The following MASTL variants were observed in gnomAD, a reference collection of about 807,000 sequenced individuals.
The protein encoded by MASTL is serine/threonine-protein kinase greatwall.
In MASTL, 54 loss-of-function variants were observed where a neutral mutation model predicts 82.5. The ratio of observed to expected loss-of-function variants is 0.65; its 90% CI spans 0.53 to 0.82. The LOEUF (loss-of-function observed/expected upper bound fraction) is 0.82. MASTL is among the 40% of genes least tolerant of loss of function. The pLI, the probability that MASTL is intolerant of heterozygous loss-of-function variation, is 0.00. For missense variants in MASTL, 950 were observed against 1,047.8 expected (o/e 0.91, Z 1.29); for synonymous variants, 323 against 368.9 (o/e 0.88, Z 1.43).
chr10:27,179,177 C>T (rs993321654), intron 9 of MASTL, among the ~76,000 whole-genome samples: 1 of 152,078 alleles, frequency 6.6e-6, no homozygotes, highest in East Asian at 1.9e-4. Context: ...TAAAATTAAC[C>T]TTTTCTTAGG....
intron 9 of MASTL, among the ~76,000 whole-genome samples, chr10:27,179,871 G>C (rs1347183564): frequency 6.6e-6 from 1 of 152,126 alleles, no homozygotes; most frequent in Non-Finnish European, 1.5e-5. Context: ...TACATTTCCT[G>C]ATATGAAATT....
Position 27,170,579 on chromosome 10 carries a change from T to G in MASTL, c.1620T>G (p.Cys540Trp). The G allele has an allele frequency of 6.2e-7, 1 of 1,612,750 alleles. No homozygotes were observed. The change falls in exon 8 of 12, where the codon TGT becomes TGG. Residue 540 changes from cysteine (C) to tryptophan (W), a missense_variant. Physicochemically the swap from Cys to Trp is radical, Grantham distance 215. Transcript: ENST00000375940. ...TTATGTGTGAACTCGATGAAGACTG[T>G]GAAAAGAATAGTAAGAGGGACTACT... is the stretch of plus-strand genomic sequence containing the variant. ...KNLMCELDED[C>W]EKNSKRDYLS...
At chr10:27,164,557 G>T (rs144226405) in intron 4 of MASTL, among the ~76,000 whole-genome samples, 2 of 152,288 alleles carry the variant, frequency 1.3e-5, no homozygotes, top group African/African-American at 4.8e-5. Context: ...ATCTGGGTCA[G>T]TTTCTATCTT....
In MASTL at chr10:27,170,240, T is replaced by C. The variant is rs966731950; in HGVS notation, c.1281T>C (p.Ala427=). ...GTTTCCATCAGTCAAATCAGTGGGCTGTGGATTCTGGTGGGATATCTGAAG... is the reference window on the plus strand; with the variant it reads ...GTTTCCATCAGTCAAATCAGTGGGCCGTGGATTCTGGTGGGATATCTGAAG... The part of the protein sequence containing the change: ...QLGFHQSNQW[A]VDSGGISEEH... The change falls in exon 8 of 12, where the codon GCT becomes GCC. Residue 427 remains alanine (A), a synonymous_variant. Transcript: ENST00000375940. 14 of 1,614,030 alleles carry C rather than the reference T, an allele frequency of 8.7e-6. No homozygotes were observed. The African/African-American group carries it at 1.9e-4, about 22-fold the overall frequency.
intron 1 of MASTL, among the ~76,000 whole-genome samples, chr10:27,157,411 T>G (rs73598035): frequency 0.075 from 11,450 of 152,218 alleles, 498 homozygotes; most frequent in East Asian, 0.16. Context: ...CATGCCCTCA[T>G]AGCCAGTGGA....
Position 27,172,677 on chromosome 10 carries a change from A to G in MASTL, c.2125-441A>G, listed in dbSNP as rs184791591. 2.0e-4 allele frequency among the ~76,000 whole-genome samples: 31 copies of G among 152,288 alleles called. No homozygotes were observed. In the East Asian group the frequency reaches 5.8e-3, roughly 28 times the overall value. On this transcript the variant is annotated intron_variant, in intron 8 of 11. Coordinates refer to ENST00000375940, the MANE Select transcript of MASTL (RefSeq NM_001172303.3). Reference sequence around the variant, plus strand: ...CTCAAAAAAAAAAACTTGTTGTGAAATAACAAATTATCCTAAAAATTTTTA... The same window carrying G: ...CTCAAAAAAAAAAACTTGTTGTGAAGTAACAAATTATCCTAAAAATTTTTA...
intron 7 of MASTL, 113 bp downstream of exon 7, chr10:27,167,387 G>A: frequency 1.1e-6 from 1 of 877,032 alleles, no homozygotes; most frequent in East Asian, 2.7e-5. Flanking sequence ...TACATGAATG[G>A]CAGTCATAGT....
At chr10:27,171,261 A>G (rs2057924989) in intron 8 of MASTL, among the ~76,000 whole-genome samples, 178 bp downstream of exon 8, 2 of 152,020 alleles carry the variant, frequency 1.3e-5, no homozygotes, top group South Asian at 4.2e-4. Flanking sequence ...AATCATGTTT[A>G]TTATTTTTAG....
rs143720814 is a variant in MASTL at position 27,160,018 on chromosome 10, G to A, written c.464+260G>A. 3.4e-3 allele frequency among the ~76,000 whole-genome samples: 523 copies of A among 151,858 alleles called. 2 individuals are homozygous for A. Among genetic ancestry groups the A allele is most frequent in the Non-Finnish European group, 5.8e-3 (394 of 67,944 alleles). On this transcript the variant is annotated intron_variant, in intron 3 of 11. Transcript: ENST00000375940. ...ATTTATTTTTTTCTTTGTTGAGACA[G>A]GGTCTCACTTTGTCATCCAGGTTGT...
intron 3 of MASTL, 26 bp from the exon 4 acceptor site, chr10:27,161,068 C>G (rs1185419592): frequency 7.4e-6 from 11 of 1,480,248 alleles, no homozygotes; most frequent in Non-Finnish European, 1.0e-5. Flanking sequence ...TTTTGGTTAT[C>G]TAATATTTGC....
chr10:27,174,973 TC>T (rs1467562190), intron 9 of MASTL, among the ~76,000 whole-genome samples: 1 of 151,840 alleles, frequency 6.6e-6, no homozygotes, highest in African/African-American at 2.4e-5. Flanking sequence ...CTTTTCATGA[TC>T]ATCTGTTTCA....
intron 1 of MASTL, 93 bp downstream of exon 1, chr10:27,155,705 G>A: frequency 6.9e-7 from 1 of 1,444,774 alleles, no homozygotes; most frequent in Non-Finnish European, 9.6e-7. Context: ...TTGCTGGAGC[G>A]AGGAGTCTGG....
intron 6 of MASTL, among the ~76,000 whole-genome samples, 200 bp from the exon 7 acceptor site, chr10:27,166,902 G>A (rs2057759055): frequency 6.6e-6 from 1 of 151,668 alleles, no homozygotes; most frequent in African/African-American, 2.4e-5. Flanking sequence ...AATAGTATAT[G>A]TATCTAAACA....
intron 7 of MASTL, among the ~76,000 whole-genome samples, chr10:27,167,868 T>TA (rs2057789803): frequency 6.6e-6 from 1 of 152,140 alleles, no homozygotes. Flanking sequence ...GCTAAGCCCT[T>TA]AAAGTGTCTG....
Position 27,186,452 on chromosome 10 carries a change from C to T in MASTL, c.2556C>T (p.Pro852=). ...AGCATCAGACTATGCCTTTCATCCC[C>T]CAGCCAGATGATGAAACAGATACCT... is the stretch of plus-strand genomic sequence containing the variant. ...NLQHQTMPFI[P]QPDDETDTSY... The change falls in exon 12 of 12, where the codon CCC becomes CCT. Residue 852 remains proline (P), a synonymous_variant. Coordinates refer to ENST00000375940, the MANE Select transcript of MASTL (RefSeq NM_001172303.3). 1 of 1,614,036 alleles carries T rather than the reference C, an allele frequency of 6.2e-7. No individual in the cohort carries two copies. The highest frequency in any genetic ancestry group is 8.5e-7 in the Non-Finnish European group (1 of 1,179,954).
At chr10:27,182,814 T>C (rs560863745) in intron 11 of MASTL, among the ~76,000 whole-genome samples, 41 of 152,044 alleles carry the variant, frequency 2.7e-4, no homozygotes, top group Admixed American at 1.1e-3. Flanking sequence ...TACGTTATTA[T>C]TGCTATTTAT....
chr10:27,155,202 G>A (rs900865630), upstream of MASTL: 4 of 580,014 alleles, frequency 6.9e-6, no homozygotes, highest in Non-Finnish European at 1.2e-5. Flanking sequence ...ATGTCAGTGG[G>A]GCCGCGGTCG....
chr10:27,177,309 A>C (rs552094264), intron 9 of MASTL, among the ~76,000 whole-genome samples: 1 of 152,330 alleles, frequency 6.6e-6, no homozygotes, highest in South Asian at 2.1e-4. Flanking sequence ...TGATTTTTAT[A>C]TAGTGCCTCT....
At chr10:27,176,937 C>CT (rs2058120421) in intron 9 of MASTL, among the ~76,000 whole-genome samples, 1 of 151,370 alleles carries the variant, frequency 6.6e-6, no homozygotes, top group African/African-American at 2.4e-5. Context: ...CTCCCGCCTC[C>CT]TGGGTTCAAG....
Sources: gnomAD v4.1 joint callset for allele counts (sites outside exome capture counted in the v4.1 genomes callset) on GRCh38, gnomAD v4.1.1 for gene constraint, MANE v1.5 for transcripts, NCBI Gene and HGNC (gene_info 2026-07-23, HGNC 2026-07-21) for gene names.